RANBP3L: variants seen among roughly 807,000 people sequenced by gnomAD.
The protein encoded by RANBP3L is ran-binding protein 3-like.
A neutral mutation model predicts 67.2 loss-of-function variants in RANBP3L; 56 were observed. The ratio of observed to expected loss-of-function variants is 0.83; its 90% CI spans 0.67 to 1.04. RANBP3L has a LOEUF of 1.04. RANBP3L is among the 50% of genes least tolerant of loss of function. RANBP3L has a pLI of 0.00. For missense variants in RANBP3L, 496 were observed against 535.5 expected (o/e 0.93, Z 0.73); for synonymous variants, 164 against 181.4 (o/e 0.90, Z 0.77).
At chr5:36,299,700 A>C (rs1333035917) in intron 1 of RANBP3L, among the ~76,000 whole-genome samples, 1 of 152,166 alleles carries the variant, frequency 6.6e-6, no homozygotes, top group East Asian at 1.9e-4. Context: ...TAATAGTTAA[A>C]ATATTAGAAA....
intron 4 of RANBP3L, among the ~76,000 whole-genome samples, chr5:36,266,081 G>C (rs1749763193): frequency 6.6e-6 from 1 of 151,890 alleles, no homozygotes; most frequent in African/African-American, 2.4e-5. Context: ...AGCAGAAAAG[G>C]CAGTCTTTTT....
intron 1 of RANBP3L, among the ~76,000 whole-genome samples, chr5:36,297,453 A>G (rs985449271): frequency 6.6e-6 from 1 of 151,832 alleles, no homozygotes; most frequent in African/African-American, 2.4e-5. Flanking sequence ...ACACGCACAC[A>G]CACACATCCT....
At chr5:36,255,067 G>T (rs2111657477) in intron 11 of RANBP3L, among the ~76,000 whole-genome samples, 1 of 152,158 alleles carries the variant, frequency 6.6e-6, no homozygotes, top group Admixed American at 6.5e-5. Context: ...AAAATAATTT[G>T]CATCATATTC....
At chr5:36,300,630 C>A (rs746518079) in intron 1 of RANBP3L, among the ~76,000 whole-genome samples, 1 of 152,144 alleles carries the variant, frequency 6.6e-6, no homozygotes. Flanking sequence ...AGAGACCCAG[C>A]CTTTCCCACA....
rs762313326 is a variant in RANBP3L at position 36,255,441 on chromosome 5, A to T, written c.1024+29T>A. On this transcript the variant is annotated intron_variant, in intron 11 of 13. Coordinates refer to ENST00000296604, the MANE Select transcript of RANBP3L (RefSeq NM_145000.5). ...TACACAGGAGAAATCCTGACAAATTATGGCTTGCTTTACAAAAGGATTCCT... is the reference window on the plus strand; with the variant it reads ...TACACAGGAGAAATCCTGACAAATTTTGGCTTGCTTTACAAAAGGATTCCT... The T allele has an allele frequency of 5.0e-6, 8 of 1,597,310 alleles. No individual in the cohort carries two copies. In the South Asian group the frequency reaches 7.9e-5, roughly 16 times the overall value.
rs763385214 is a variant in RANBP3L at position 36,265,106 on chromosome 5, G to T, written c.341-8C>A. On this transcript the variant is annotated splice_region_variant and splice_polypyrimidine_tract_variant and intron_variant, in intron 5 of 13. Coordinates refer to ENST00000296604, the MANE Select transcript of RANBP3L (RefSeq NM_145000.5). ...TAGAATGTTTCACAGGACCTTAAAA[G>T]AATAGAATTAAAGGATAAATATATG... is the stretch of plus-strand genomic sequence containing the variant. The T allele has an allele frequency of 7.1e-6, 11 of 1,548,338 alleles. No individual in the cohort carries two copies. The highest frequency in any genetic ancestry group is 1.7e-4 in the Middle Eastern group (1 of 5,812).
At chr5:36,270,648 C>A (rs1176015638) in intron 2 of RANBP3L, among the ~76,000 whole-genome samples, 2 of 152,110 alleles carry the variant, frequency 1.3e-5, no homozygotes, top group African/African-American at 4.8e-5. Flanking sequence ...GCACATGCCA[C>A]CATGCCTGAC....
intron 1 of RANBP3L, among the ~76,000 whole-genome samples, chr5:36,275,732 A>G (rs1265343555): frequency 1.3e-5 from 2 of 152,150 alleles, no homozygotes; most frequent in Non-Finnish European, 2.9e-5. Flanking sequence ...TTGCAGCCTA[A>G]TAGAGCTTAA....
In RANBP3L at chr5:36,248,478, G is replaced by T. The variant is rs1748402257; in HGVS notation, c.*1176C>A. The T allele has an allele frequency of 6.6e-6, 1 of 152,074 alleles. No homozygotes were observed. Among genetic ancestry groups the T allele is most frequent in the African/African-American group, 2.4e-5 (1 of 41,428 alleles). The allele number at this position is 152,074 out of a possible 1,614,324, so 9.4% of individuals were successfully genotyped here. A position where few individuals can be genotyped will look rare whatever the true frequency, so the allele number is the denominator to read the frequency against. On this transcript the variant is annotated 3_prime_UTR_variant, in exon 14 of 14. Transcript: ENST00000296604. ...ATATATTTTTATTATTTTATAACAG[G>T]TATGGTAACACAGTAATATAACTTT... is the stretch of plus-strand genomic sequence containing the variant.
intron 1 of RANBP3L, among the ~76,000 whole-genome samples, chr5:36,272,311 A>G (rs1750275184): frequency 6.6e-6 from 1 of 152,208 alleles, no homozygotes; most frequent in Non-Finnish European, 1.5e-5. Flanking sequence ...TGATGACAAC[A>G]CATTCTGGAT....
intron 3 of RANBP3L, 130 bp downstream of exon 3, chr5:36,269,821 T>C: frequency 1.3e-6 from 1 of 790,844 alleles, no homozygotes; most frequent in Non-Finnish European, 2.2e-6. Flanking sequence ...CAAAAGTGAA[T>C]CTACTGGCAT....
intron 1 of RANBP3L, among the ~76,000 whole-genome samples, chr5:36,283,285 T>G (rs1751097891): frequency 6.6e-6 from 1 of 151,800 alleles, no homozygotes. Context: ...CTCAAACTCT[T>G]GACCTCAGGT....
chr5:36,301,259 A>G, intron 1 of RANBP3L, 67 bp downstream of exon 1: 1 of 1,208,076 alleles, frequency 8.3e-7, no homozygotes, highest in Middle Eastern at 2.5e-4. Context: ...CCAGCCCACC[A>G]TTCTTCCTGG....
chr5:36,299,777 T>G (rs1035929099), intron 1 of RANBP3L, among the ~76,000 whole-genome samples: 1 of 152,154 alleles, frequency 6.6e-6, no homozygotes, highest in African/African-American at 2.4e-5. Flanking sequence ...AAAGGAACAG[T>G]GTGCAACTGT....
At chr5:36,294,001 A>G (rs1030197105) in intron 1 of RANBP3L, among the ~76,000 whole-genome samples, 3 of 152,084 alleles carry the variant, frequency 2.0e-5, no homozygotes, top group Non-Finnish European at 2.9e-5. Flanking sequence ...TGTACCTCTG[A>G]TAGAATTCGG....
At chr5:36,293,402 C>A (rs1179740166) in intron 1 of RANBP3L, among the ~76,000 whole-genome samples, 42 of 147,760 alleles carry the variant, frequency 2.8e-4, no homozygotes, top group African/African-American at 1.0e-3. Flanking sequence ...TTTCCTTCTC[C>A]TGCCTAATTG....
rs545480881 is a variant in RANBP3L at position 36,261,974 on chromosome 5, A to C, written c.549T>G (p.Ser183=). 6.2e-7 allele frequency: 1 copy of C among 1,604,626 alleles called. No individual in the cohort carries two copies. The highest frequency in any genetic ancestry group is 8.5e-7 in the Non-Finnish European group (1 of 1,172,274). The part of the protein sequence containing the change: ...LSRARISVQL[S]TNQDFLGATS... ...TTGCACCTAAAAAGTCCTGGTTAGT[A>C]GACAGCTGGACTGAAATTCTAGCCC... The change falls in exon 7 of 14, where the codon TCT becomes TCG. Residue 183 remains serine (S), a synonymous_variant. Coordinates refer to ENST00000296604, the MANE Select transcript of RANBP3L (RefSeq NM_145000.5).
At chr5:36,264,830 T>G (rs1246052234) in intron 6 of RANBP3L, 129 bp downstream of exon 6, 2 of 759,774 alleles carry the variant, frequency 2.6e-6, no homozygotes, top group African/African-American at 3.5e-5. Context: ...ACCAAGGGCT[T>G]TATGCTATCT....
intron 1 of RANBP3L, among the ~76,000 whole-genome samples, chr5:36,277,975 G>A (rs945433223): frequency 5.3e-5 from 8 of 152,054 alleles, no homozygotes; most frequent in African/African-American, 9.7e-5. Flanking sequence ...ACCAGATCTC[G>A]TGAGACTTAT....
Sources: allele counts gnomAD v4.1 joint callset (sites outside exome capture counted in the v4.1 genomes callset), GRCh38; gene constraint gnomAD v4.1.1; transcripts MANE v1.5; gene names NCBI Gene and HGNC (gene_info 2026-07-23, HGNC 2026-07-21).